The following CNTROB variants were observed in gnomAD, a reference collection of about 807,000 sequenced individuals.
The protein encoded by CNTROB is centrobin.
A neutral mutation model predicts 115.7 loss-of-function variants in CNTROB; 82 were observed. The ratio of observed to expected loss-of-function variants is 0.71; its 90% confidence interval spans 0.59 to 0.85. The LOEUF is 0.85. CNTROB is among the 40% of genes least tolerant of loss of function. The pLI, the probability that CNTROB is intolerant of heterozygous loss-of-function variation, is 0.00. For synonymous variants in CNTROB, 439 were observed against 456.4 expected (o/e 0.96, Z 0.49); for missense variants, 1,014 against 1,144.4 (o/e 0.89, Z 1.64).
In CNTROB at chr17:7,933,201, C is replaced by T; in HGVS notation, c.122C>T (p.Ser41Phe). 3 of 1,614,242 alleles carry T rather than the reference C, an allele frequency of 1.9e-6. No homozygotes were observed. Among genetic ancestry groups the T allele is most frequent in the Non-Finnish European group, 2.5e-6 (3 of 1,180,054 alleles). The change falls in exon 1 of 19, where the codon TCT (serine) becomes TTT (phenylalanine). Residue 41 changes from serine to phenylalanine, a missense_variant. Ser to Phe is a radical substitution (Grantham distance 155). Coordinates refer to ENST00000563694, the MANE Select transcript of CNTROB (RefSeq NM_053051.5). ...SSEVTSQLYA[S>F]LRLSRQAEAT... is the part of the protein sequence containing the mutation. ...GAAGTGACCTCCCAGCTCTATGCTTCTTTGCGCCTCAGCCGGCAGGCGGAG... is the reference window on the plus strand; with the variant it reads ...GAAGTGACCTCCCAGCTCTATGCTTTTTTGCGCCTCAGCCGGCAGGCGGAG...
Position 7,939,505 on chromosome 17 carries a change from G to A in CNTROB, c.928-8G>A, listed in dbSNP as rs780007077. On this transcript the variant is annotated splice_region_variant and splice_polypyrimidine_tract_variant and intron_variant, in intron 7 of 18. Coordinates refer to ENST00000563694, the MANE Select transcript of CNTROB (RefSeq NM_053051.5). This position sits in a 1 kb window ranked among gnomAD's most constrained non-coding sequence, Gnocchi z 4.4. ...ACTAAGGAGCTTGGTTTTCTTCTGC[G>A]GCTGTAGGAGGAGGAAAGGCAAGCT... 15 of 1,612,952 alleles carry A rather than the reference G, an allele frequency of 9.3e-6. No homozygotes were observed. The highest frequency in any genetic ancestry group is 1.7e-4 in the Middle Eastern group (1 of 6,058).
In CNTROB at chr17:7,940,198, C is replaced by G. The variant is rs1370912513; in HGVS notation, c.1267C>G (p.Arg423Gly). ...GCTGGAAGGAGAGCTGGATACAGCT[C>G]GGAGAGAGAGAGATGCCCTGCAGCT... ...RRLEGELDTA[R>G]RERDALQLEM... The change falls in exon 9 of 19, where the codon CGG becomes GGG. Residue 423 changes from arginine (R) to glycine (G), a missense_variant. By Grantham distance (125) the Arg-to-Gly change is moderately radical (BLOSUM62 -2). Transcript: ENST00000563694. The G allele has an allele frequency of 7.4e-6, 12 of 1,611,972 alleles. No homozygotes were observed. The highest frequency in any genetic ancestry group is 3.3e-5 in the Admixed American group (2 of 59,872).
intron 7 of CNTROB, 27 bp downstream of exon 7, chr17:7,937,289 C>T (rs1226712398): frequency 6.2e-7 from 1 of 1,612,934 alleles, no homozygotes; most frequent in Non-Finnish European, 8.5e-7. Context: ...GGGTTAATTC[C>T]ACTGGAAGCT....
rs867494666 is a variant in CNTROB, at chr17:7,939,889, T to G, written c.1164+140T>G. 13 of 1,059,490 alleles carry G rather than the reference T, an allele frequency of 1.2e-5. No individual in the cohort carries two copies. In the South Asian group the frequency reaches 1.8e-4, roughly 15 times the overall value. 65.6% of individuals were successfully genotyped at this position (1,059,490 alleles called of 1,614,324 possible). On this transcript the variant is annotated intron_variant, in intron 8 of 18. Coordinates refer to ENST00000563694, the MANE Select transcript of CNTROB (RefSeq NM_053051.5). This position sits in a 1 kb window ranked among gnomAD's most constrained non-coding sequence, Gnocchi z 4.4. ...GAGAGCCATGTGTGGGAGACAAGGT[T>G]GAGAGTATAGGGCCAGCAGGAAGGG...
At chr17:7,936,168 A>G (rs1973142277) in intron 4 of CNTROB, 198 bp from the exon 5 acceptor site, 1 of 570,674 alleles carries the variant, frequency 1.8e-6, no homozygotes, top group Non-Finnish European at 3.1e-6. Context: ...CTGAAAAGGT[A>G]CAGAAACATG....
At position 7,949,485 on chromosome 17, in the gene CNTROB, G is replaced by A. The variant is rs1330962410; in HGVS notation, c.2687G>A (p.Arg896Lys). The A allele has an allele frequency of 6.2e-7, 1 of 1,613,930 alleles. No individual in the cohort carries two copies. The highest frequency in any genetic ancestry group is 2.2e-5 in the East Asian group (1 of 44,898). The change falls in exon 19 of 19, where the codon AGG becomes AAG. Residue 896 changes from arginine to lysine, a missense_variant. Transcript: ENST00000563694. ...KSGHPAPSSMRSRGGVWR is the reference protein window; with the variant it reads ...KSGHPAPSSMKSRGGVWR ...GGGCACCCTGCCCCGAGTAGCATGAGGAGCCGGGGGGGAGTCTGGAGATGA... is the reference window on the plus strand; with the variant it reads ...GGGCACCCTGCCCCGAGTAGCATGAAGAGCCGGGGGGGAGTCTGGAGATGA...
In CNTROB at chr17:7,943,334, C is replaced by T; in HGVS notation, c.1312-57C>T. The T allele has an allele frequency of 1.5e-6, 2 of 1,356,928 alleles. No individual in the cohort carries two copies. Among genetic ancestry groups the T allele is most frequent in the South Asian group, 1.3e-5 (1 of 78,964 alleles). 84.1% of individuals were successfully genotyped at this position (1,356,928 alleles called of 1,614,324 possible). On this transcript the variant is annotated intron_variant, in intron 9 of 18. Transcript: ENST00000563694. The surrounding 1 kb of genome is among the most constrained non-coding windows in gnomAD (Gnocchi z 4.7). The stretch of plus-strand genomic sequence containing the variant: ...TGGATTTTGTCTACATTATATCCTC[C>T]ATCCTCTTCTAAGCCCAAACAGATT...
intron 7 of CNTROB, 137 bp downstream of exon 7, chr17:7,937,399 C>A: frequency 1.0e-6 from 1 of 977,200 alleles, no homozygotes; most frequent in African/African-American, 1.6e-5. Context: ...TTCCTTAGAA[C>A]ACTAATTCAG....
intron 4 of CNTROB, chr17:7,936,149 A>C (rs1973139490): frequency 5.8e-6 from 3 of 520,470 alleles, no homozygotes; most frequent in South Asian, 5.1e-5. Context: ...GAATCTAAGC[A>C]CTTATCTCCT....
chr17:7,946,113 C>A, intron 13 of CNTROB, 127 bp downstream of exon 13: 2 of 816,410 alleles, frequency 2.4e-6, no homozygotes, highest in Non-Finnish European at 4.0e-6. Context: ...TCGCAAGTTG[C>A]AAGGAGCAGA....
chr17:7,942,882 A>G (rs576675976), intron 9 of CNTROB, among the ~76,000 whole-genome samples: 1 of 133,574 alleles, frequency 7.5e-6, no homozygotes, highest in East Asian at 2.3e-4. Flanking sequence ...GCTCACTGCA[A>G]GCTCCGCCTC....
chr17:7,937,992 TC>T (rs1193592652), intron 7 of CNTROB, among the ~76,000 whole-genome samples: 17 of 140,040 alleles, frequency 1.2e-4, no homozygotes, highest in African/African-American at 4.7e-4. Context: ...AACTCAAGTT[TC>T]TTTTCGTGTT....
Position 7,932,905 on chromosome 17 carries a change from G to A in CNTROB, c.-175G>A, listed in dbSNP as rs1453374207. On this transcript the variant is annotated 5_prime_UTR_variant, in exon 1 of 19. In the 5' UTR this introduces an upstream ATG that the reference lacks. Coordinates refer to ENST00000563694, the MANE Select transcript of CNTROB (RefSeq NM_053051.5). ...CCCACTCCCATGGCCCCTGGAACTG[G>A]TGGAAACCTTTCCTCTAACCAGAAA... The A allele has an allele frequency of 5.9e-6, 4 of 679,610 alleles. No homozygotes were observed. The highest frequency in any genetic ancestry group is 9.8e-6 in the Non-Finnish European group (4 of 407,846). The allele number at this position is 679,610 out of a possible 1,614,324, so 42.1% of individuals were successfully genotyped here. A position where few individuals can be genotyped will look rare whatever the true frequency, so the allele number is the denominator to read the frequency against.
intron 13 of CNTROB, among the ~76,000 whole-genome samples, chr17:7,946,722 C>G (rs1974572631): frequency 6.6e-6 from 1 of 152,012 alleles, no homozygotes; most frequent in African/African-American, 2.4e-5. Flanking sequence ...AAAAAGTTAG[C>G]AGGATGTGGT....
chr17:7,933,736 T>C (rs545973006), intron 1 of CNTROB, among the ~76,000 whole-genome samples: 1 of 152,322 alleles, frequency 6.6e-6, no homozygotes, highest in African/African-American at 2.4e-5. Context: ...TGGTTCCAAC[T>C]TTGGCATGTA....
Position 7,949,167 on chromosome 17 carries a change from A to G in CNTROB, c.2586+10A>G. The G allele has an allele frequency of 6.2e-7, 1 of 1,613,650 alleles. No individual in the cohort carries two copies. Among genetic ancestry groups the G allele is most frequent in the Non-Finnish European group, 8.5e-7 (1 of 1,179,548 alleles). ...GATCCCCCGGAAAGAGGTGAGGGAA[A>G]GTCAGGCAGGGACCAGGGGAGAAAA... On this transcript the variant is annotated intron_variant, in intron 18 of 18. Transcript: ENST00000563694.
chr17:7,942,787 A>ATTTT lies in CNTROB; in HGVS notation c.1312-575_1312-572dup, dbSNP rs71159534. Among the ~76,000 whole-genome samples the ATTTT allele has an allele frequency of 2.0e-3, 71 of 35,798 alleles. 8 individuals carry two copies. Among genetic ancestry groups the ATTTT allele is most frequent in the African/African-American group, 2.9e-3 (24 of 8,306 alleles). 23.5% of individuals were successfully genotyped at this position (35,798 alleles called of 152,430 possible). A position where few individuals can be genotyped will look rare whatever the true frequency, so the allele number is the denominator to read the frequency against. ...GGCTTTCAGGTACTCTACTCAGGGT[A>ATTTT]TTTTTTTTTTTTTTTTTTTTTTTTT... On this transcript the variant is annotated intron_variant, in intron 9 of 18. Coordinates refer to ENST00000563694, the MANE Select transcript of CNTROB (RefSeq NM_053051.5).
intron 7 of CNTROB, among the ~76,000 whole-genome samples, 154 bp downstream of exon 7, chr17:7,937,416 A>G (rs374488310): frequency 8.5e-5 from 13 of 152,168 alleles, no homozygotes; most frequent in East Asian, 3.8e-4. Context: ...TCAGCTAGAT[A>G]TTCTATTAAA....
intron 1 of CNTROB, 88 bp from the exon 2 acceptor site, chr17:7,934,049 CA>C: frequency 9.1e-7 from 1 of 1,093,630 alleles, no homozygotes; most frequent in Non-Finnish European, 1.4e-6. Context: ...TCTTGTTTTC[CA>C]AAGTGCTGGA....
Sources: gnomAD v4.1 joint callset for allele counts (sites outside exome capture counted in the v4.1 genomes callset) on GRCh38, gnomAD v4.1.1 for gene constraint, Gnocchi (gnomAD v3.1) non-coding constraint, MANE v1.5 for transcripts, NCBI Gene and HGNC (gene_info 2026-07-23, HGNC 2026-07-21) for gene names.